The following NUP160 variants were observed in gnomAD, a reference collection of about 807,000 sequenced individuals.
NUP160 encodes nucleoporin 160, also known as nuclear pore complex protein Nup160.
A neutral mutation model predicts 196.9 loss-of-function variants in NUP160; 94 were observed. The observed-to-expected ratio is 0.48, with a 90% CI of 0.40 to 0.57. The LOEUF (loss-of-function observed/expected upper bound fraction) is 0.57, where lower values mean the gene tolerates loss of function less well. Ranked by LOEUF, NUP160 falls within the 20% of genes least tolerant of loss-of-function variation. NUP160 has a pLI of 0.00. For missense variants in NUP160, 1,638 were observed against 1,748.3 expected, an observed-to-expected ratio of 0.94 and a Z score of 1.13; for synonymous variants, 605 against 619.7, an observed-to-expected ratio of 0.98 and a Z score of 0.35.
chr11:47,813,485 G>C, intron 13 of NUP160, 70 bp from the exon 14 acceptor site: 1 of 994,536 alleles, frequency 1.0e-6, no homozygotes, highest in Non-Finnish European at 1.6e-6. Flanking sequence ...ATTGAGATGT[G>C]CATCTTATCA....
rs750497969 is a variant in NUP160 at position 47,793,722 on chromosome 11, GTTTTTTTTTTTTTTTTT to G, written c.3290-793_3290-777del. Among the ~76,000 whole-genome samples the G allele has an allele frequency of 1.9e-3, 170 of 87,688 alleles. 1 individual carries two copies. Among genetic ancestry groups the G allele is most frequent in the African/African-American group, 4.0e-3 (77 of 19,094 alleles). 57.5% of individuals were successfully genotyped at this position (87,688 alleles called of 152,430 possible). A position where few individuals can be genotyped will look rare whatever the true frequency, so the allele number is the denominator to read the frequency against. On this transcript the variant is annotated intron_variant, in intron 27 of 35. Transcript: ENST00000378460. ...TCATTTAATTATCTGTAAGATATCTGTTTTTTTTTTTTTTTTTTTTTTTTTTTTTTTTTTTGAGACGG... is the reference window on the plus strand; with the variant it reads ...TCATTTAATTATCTGTAAGATATCTGTTTTTTTTTTTTTTTTTTGAGACGG...
chr11:47,803,241 T>C (rs898895254), intron 22 of NUP160, among the ~76,000 whole-genome samples, 197 bp downstream of exon 22: 9 of 151,450 alleles, frequency 5.9e-5, no homozygotes, highest in Non-Finnish European at 1.2e-4. Context: ...TGTTCCTGAG[T>C]CCTATCTAAA....
At chr11:47,808,620 C>G in intron 17 of NUP160, 91 bp from the exon 18 acceptor site, 1 of 1,078,688 alleles carries the variant, frequency 9.3e-7, no homozygotes, top group Non-Finnish European at 1.3e-6. Context: ...AATAAAATAA[C>G]AAATACAAAG....
chr11:47,800,543 C>T (rs1386651000), intron 23 of NUP160, among the ~76,000 whole-genome samples: 1 of 151,982 alleles, frequency 6.6e-6, no homozygotes, highest in African/African-American at 2.4e-5. Flanking sequence ...CAGGCGCACA[C>T]CACCACGCCC....
chr11:47,793,722 G>GTTTTT (rs750497969), intron 27 of NUP160, among the ~76,000 whole-genome samples: 12 of 87,660 alleles, frequency 1.4e-4, no homozygotes, highest in African/African-American at 3.1e-4. Context: ...TAAGATATCT[G>GTTTTT]TTTTTTTTTT....
At chr11:47,846,481 C>A (rs1328636441) in intron 2 of NUP160, among the ~76,000 whole-genome samples, 1 of 152,188 alleles carries the variant, frequency 6.6e-6, no homozygotes, top group Admixed American at 6.5e-5. Flanking sequence ...TCCCCACTCA[C>A]ATCTGGTTAG....
At chr11:47,790,291 C>T (rs1028003648) in intron 29 of NUP160, among the ~76,000 whole-genome samples, 1 of 151,882 alleles carries the variant, frequency 6.6e-6, no homozygotes, top group Non-Finnish European at 1.5e-5. Flanking sequence ...CGGAGTCTTG[C>T]TCTTGTTGCC....
intron 7 of NUP160, among the ~76,000 whole-genome samples, chr11:47,826,562 C>CT (rs1434749961): frequency 1.7e-5 from 1 of 57,584 alleles, no homozygotes; most frequent in Non-Finnish European, 6.3e-5. Context: ...GGTAAAAATC[C>CT]CCCCCCCCTT....
exon 10 of NUP160, chr11:47,819,447 C>T (rs1305936444): frequency 6.2e-7 from 1 of 1,612,624 alleles, no homozygotes; most frequent in Admixed American, 1.7e-5. Context: ...ATTCCACTGA[C>T]CTGCAACATT....
At chr11:47,786,597 A>G in intron 31 of NUP160, 43 bp from the exon 32 acceptor site, 1 of 1,188,562 alleles carries the variant, frequency 8.4e-7, no homozygotes, top group Non-Finnish European at 1.3e-6. Flanking sequence ...GAACGCTGAA[A>G]CGTACCACTT....
At chr11:47,835,519 G>C (rs568603676) in intron 7 of NUP160, 132 bp downstream of exon 7, 4 of 603,412 alleles carry the variant, frequency 6.6e-6, no homozygotes, top group Non-Finnish European at 1.0e-5. Flanking sequence ...ATAGTAGCAC[G>C]AAACCCAACC....
chr11:47,820,049 G>T (rs1266146229), intron 9 of NUP160, among the ~76,000 whole-genome samples: 1 of 152,164 alleles, frequency 6.6e-6, no homozygotes, highest in Admixed American at 6.5e-5. Flanking sequence ...AATCTGGAGG[G>T]CAATCATTCC....
At chr11:47,788,432 A>C in intron 30 of NUP160, 69 bp downstream of exon 30, 2 of 1,541,828 alleles carry the variant, frequency 1.3e-6, no homozygotes, top group Non-Finnish European at 1.8e-6. Flanking sequence ...CATGCTACAT[A>C]CACTGCCTGG....
At chr11:47,824,656 T>G (rs1334413611) in intron 7 of NUP160, among the ~76,000 whole-genome samples, 2 of 151,962 alleles carry the variant, frequency 1.3e-5, no homozygotes, top group Non-Finnish European at 2.9e-5. Flanking sequence ...TTTTTATTTT[T>G]AGAGACAGGT....
chr11:47,815,348 A>G, intron 13 of NUP160, 131 bp downstream of exon 13: 1 of 568,110 alleles, frequency 1.8e-6, no homozygotes, highest in Middle Eastern at 3.8e-4. Context: ...AAAGTCCTAA[A>G]TGCTAACCGC....
Position 47,812,439 on chromosome 11 carries a change from C to T in NUP160, c.1953-10G>A. The T allele has an allele frequency of 6.2e-7, 1 of 1,609,960 alleles. No individual in the cohort carries two copies. Among genetic ancestry groups the T allele is most frequent in the Non-Finnish European group, 8.5e-7 (1 of 1,178,832 alleles). On this transcript the variant is annotated splice_polypyrimidine_tract_variant and intron_variant, in intron 15 of 35. Coordinates refer to ENST00000378460, the Ensembl canonical transcript of NUP160. The stretch of plus-strand genomic sequence containing the variant: ...CTCCATCACATTTTCTCTATAAGGA[C>T]AATTACAAAACTCTTATTACTACCG...
At chr11:47,847,910 T>A (rs962305428) in exon 2 of NUP160, 2 of 1,614,100 alleles carry the variant, frequency 1.2e-6, no homozygotes, top group Non-Finnish European at 1.7e-6. Context: ...AGTAAAAGCC[T>A]CCCGCGCTTT....
intron 7 of NUP160, among the ~76,000 whole-genome samples, chr11:47,822,894 T>A (rs1320955112): frequency 6.6e-6 from 1 of 152,232 alleles, no homozygotes. Context: ...ACAAAGGACA[T>A]GAACTCATCC....
At chr11:47,847,759 G>T (rs2135409140) in intron 2 of NUP160, 89 bp downstream of exon 2, 8 of 821,194 alleles carry the variant, frequency 9.7e-6, no homozygotes, top group South Asian at 8.3e-5. Context: ...GTCAATTACC[G>T]CTTCTAGAAT....
Sources: gnomAD v4.1 joint callset for allele counts (sites outside exome capture counted in the v4.1 genomes callset) on GRCh38, gnomAD v4.1.1 for gene constraint, MANE v1.5 for transcripts, NCBI Gene and HGNC (gene_info 2026-07-23, HGNC 2026-07-21) for gene names.